Variants in ACVR1C observed in about 807,000 individuals in gnomAD.
ACVR1C encodes the protein activin receptor type-1C.
ACVR1C carries 23 observed loss-of-function variants against 57.9 expected under a neutral mutation model. That is an observed-to-expected ratio of 0.40 (90% confidence interval 0.29 to 0.56). The LOEUF (loss-of-function observed/expected upper bound fraction) is 0.56. Among genes scored for constraint, ACVR1C ranks in the 20% least tolerant of loss-of-function variants. ACVR1C has a pLI of 0.50. For missense variants in ACVR1C, 480 were observed against 607.9 expected, an observed-to-expected ratio of 0.79 and a Z score of 2.21; for synonymous variants, 214 against 215.3, an observed-to-expected ratio of 0.99 and a Z score of 0.05.
intron 2 of ACVR1C, among the ~76,000 whole-genome samples, chr2:157,578,354 C>G (rs967823470): frequency 6.6e-6 from 1 of 152,132 alleles, no homozygotes; most frequent in Admixed American, 6.5e-5. Context: ...TTCTTTTACC[C>G]TTCTCCTAGA....
At chr2:157,587,927 A>C (rs1314410745) in intron 1 of ACVR1C, among the ~76,000 whole-genome samples, 1 of 152,104 alleles carries the variant, frequency 6.6e-6, no homozygotes, top group Non-Finnish European at 1.5e-5. Context: ...ATGTCTCTAA[A>C]AAAATAGTTG....
chr2:157,573,711 C>T (rs1040265135), intron 2 of ACVR1C, among the ~76,000 whole-genome samples: 5 of 152,212 alleles, frequency 3.3e-5, no homozygotes, highest in East Asian at 1.9e-4. Flanking sequence ...TATTAAGGTG[C>T]TCTTGGTGCT....
chr2:157,592,725 T>C (rs1689074931), intron 1 of ACVR1C, among the ~76,000 whole-genome samples: 1 of 152,164 alleles, frequency 6.6e-6, no homozygotes, highest in Non-Finnish European at 1.5e-5. Context: ...AGAACCTTTG[T>C]GCTGCCAATT....
intron 4 of ACVR1C, among the ~76,000 whole-genome samples, chr2:157,549,317 A>G (rs935697396): frequency 6.6e-6 from 1 of 152,150 alleles, no homozygotes; most frequent in Admixed American, 6.5e-5. Flanking sequence ...GTGAGCTGAG[A>G]TCGTGCCACT....
At chr2:157,587,444 A>G in intron 1 of ACVR1C, 27 bp from the exon 2 acceptor site, 1 of 1,503,758 alleles carries the variant, frequency 6.7e-7, no homozygotes. Flanking sequence ...AAAAAGATTT[A>G]AAATACAAAA....
In ACVR1C at chr2:157,556,163, G is replaced by A. The variant is rs779447058; in HGVS notation, c.474C>T (p.Cys158=). Residue 158 remains cysteine (C), a synonymous_variant, in exon 3 of 9, where the codon TGC becomes TGT. Transcript: ENST00000243349. ...RPNVEEPLSE[C]NLVNAGKTLK... is the part of the protein sequence containing the mutation. ...GAGTTTTTCCAGCATTTACCAGATTGCACTCAGAGAGTGGTTCCTCCACAT... is the reference window on the plus strand; with the variant it reads ...GAGTTTTTCCAGCATTTACCAGATTACACTCAGAGAGTGGTTCCTCCACAT... 10 of 1,613,900 alleles carry A rather than the reference G, an allele frequency of 6.2e-6. No individual in the cohort carries two copies. The African/African-American group carries it at 1.1e-4, about 17-fold the overall frequency.
rs550973505 is a variant in ACVR1C, at chr2:157,529,657, C to G, written c.*4261G>C. 6.6e-6 allele frequency: 1 copy of G among 151,962 alleles called. No homozygotes were observed. Among genetic ancestry groups the G allele is most frequent in the East Asian group, 1.9e-4 (1 of 5,178 alleles). The allele number at this position is 151,962 out of a possible 1,614,324, so 9.4% of individuals were successfully genotyped here. A position where few individuals can be genotyped will look rare whatever the true frequency, so the allele number is the denominator to read the frequency against. ...TAATCTCTGAGAGTACTAAGGGATT[C>G]TCTTTCATTAGAAGGCTAAATTCCA... On this transcript the variant is annotated 3_prime_UTR_variant, in exon 9 of 9. Transcript: ENST00000243349.
chr2:157,610,753 T>C (rs545906825), intron 1 of ACVR1C, among the ~76,000 whole-genome samples: 1 of 152,246 alleles, frequency 6.6e-6, no homozygotes, highest in Non-Finnish European at 1.5e-5. Context: ...TCTTTGTTTT[T>C]GTCTGACCAG....
Position 157,577,118 on chromosome 2 carries a change from G to C in ACVR1C, c.304+10069C>G, listed in dbSNP as rs1688679039. The stretch of plus-strand genomic sequence containing the variant: ...GATCCACCCGCCTCGGCCTCCCAAA[G>C]TGCTGGGATTACAGGCGTGAGCCAC... On this transcript the variant is annotated intron_variant, in intron 2 of 8. Coordinates refer to ENST00000243349, the MANE Select transcript of ACVR1C (RefSeq NM_145259.3). Among the ~76,000 whole-genome samples the C allele has an allele frequency of 4.7e-5, 2 of 42,952 alleles. 1 individual carries two copies. The highest frequency in any genetic ancestry group is 4.6e-4 in the Admixed American group (2 of 4,348). The allele number at this position is 42,952 out of a possible 152,430, so 28.2% of individuals were successfully genotyped here.
rs1250700831 is a variant in ACVR1C at position 157,531,987 on chromosome 2, T to C, written c.*1931A>G. 2 of 152,182 alleles carry C rather than the reference T, an allele frequency of 1.3e-5. No individual in the cohort carries two copies. The highest frequency in any genetic ancestry group is 4.8e-5 in the African/African-American group (2 of 41,470). The allele number at this position is 152,182 out of a possible 1,614,324, so 9.4% of individuals were successfully genotyped here. ...CTATCTATCTTTGTATTCCCTCTTG[T>C]ACCCGATATTGTGGCAAGCAAGATA... is the stretch of plus-strand genomic sequence containing the variant. On this transcript the variant is annotated 3_prime_UTR_variant, in exon 9 of 9. Transcript: ENST00000243349.
chr2:157,594,653 T>C (rs1682042652), intron 1 of ACVR1C, among the ~76,000 whole-genome samples: 1 of 152,154 alleles, frequency 6.6e-6, no homozygotes, highest in Non-Finnish European at 1.5e-5. Context: ...AAAATGTTCA[T>C]AGCCTCTCTG....
intron 2 of ACVR1C, among the ~76,000 whole-genome samples, chr2:157,586,951 G>A (rs796657428): frequency 3.3e-5 from 5 of 152,138 alleles, no homozygotes; most frequent in African/African-American, 9.6e-5. Context: ...TACAATTCAC[G>A]TGGACAAATT....
rs547123197 is a variant in ACVR1C at position 157,626,372 on chromosome 2, A to C, written c.73+2200T>G. ...TCAAAAAGGAGCAATGGACACCCCTAAGGTGACAACAATGTGGGGAATGAG... is the reference window on the plus strand; with the variant it reads ...TCAAAAAGGAGCAATGGACACCCCTCAGGTGACAACAATGTGGGGAATGAG... On this transcript the variant is annotated intron_variant, in intron 1 of 8. Coordinates refer to ENST00000243349, the MANE Select transcript of ACVR1C (RefSeq NM_145259.3). Among the ~76,000 whole-genome samples, 9 of 152,354 alleles carry C rather than the reference A, an allele frequency of 5.9e-5. No homozygotes were observed. In the South Asian group the frequency reaches 1.7e-3, roughly 28 times the overall value.
intron 1 of ACVR1C, among the ~76,000 whole-genome samples, chr2:157,598,688 C>T (rs1317548646): frequency 6.6e-6 from 1 of 151,858 alleles, no homozygotes; most frequent in Non-Finnish European, 1.5e-5. Context: ...TACAGGCGCT[C>T]ACCACCCACC....
intron 4 of ACVR1C, among the ~76,000 whole-genome samples, chr2:157,546,029 A>G (rs1377370242): frequency 6.6e-6 from 1 of 152,090 alleles, no homozygotes; most frequent in Non-Finnish European, 1.5e-5. Context: ...TGATCCACCC[A>G]CCTTGGCCTC....
rs569727616 is a variant in ACVR1C, at chr2:157,534,054, GA to G, written c.1357-12del. 8.6e-4 allele frequency: 1,191 copies of G among 1,381,938 alleles called. 2 individuals carry two copies. In the African/African-American group the frequency reaches 9.2e-3, roughly 11 times the overall value. The allele number at this position is 1,381,938 out of a possible 1,614,324, so 85.6% of individuals were successfully genotyped here. On this transcript the variant is annotated splice_polypyrimidine_tract_variant and intron_variant, in intron 8 of 8. Transcript: ENST00000243349. The stretch of plus-strand genomic sequence containing the variant: ...CATGACTCGGAGTGCCTTTAAGAGA[GA>G]AAAAAAAAATCAAAGACTTTAGCTA...
intron 2 of ACVR1C, among the ~76,000 whole-genome samples, chr2:157,572,555 G>C (rs972952806): frequency 2.0e-5 from 3 of 152,040 alleles, no homozygotes; most frequent in African/African-American, 7.2e-5. Context: ...AAATATTTGA[G>C]TAAAAATGTA....
chr2:157,538,470 A>G (rs867169372), intron 8 of ACVR1C, 103 bp downstream of exon 8: 4 of 1,128,250 alleles, frequency 3.5e-6, no homozygotes, highest in Non-Finnish European at 4.7e-6. Context: ...GTATGTCTAC[A>G]TATATGGAAT....
At chr2:157,579,652 T>C (rs552661293) in intron 2 of ACVR1C, among the ~76,000 whole-genome samples, 7 of 152,330 alleles carry the variant, frequency 4.6e-5, no homozygotes, top group Non-Finnish European at 1.0e-4. Context: ...GTTGTCCTTA[T>C]TCATACTGCC....
Sources: gnomAD v4.1 joint callset for allele counts (sites outside exome capture counted in the v4.1 genomes callset) on GRCh38, gnomAD v4.1.1 for gene constraint, MANE v1.5 for transcripts, NCBI Gene and HGNC (gene_info 2026-07-23, HGNC 2026-07-21) for gene names.